Variants in PPP1R1C observed in about 807,000 individuals in gnomAD.
The protein encoded by PPP1R1C is protein phosphatase 1 regulatory subunit 1C.
A neutral mutation model predicts 17.4 loss-of-function variants in PPP1R1C; 15 were observed. That is an observed-to-expected ratio of 0.86 (90% confidence interval 0.58 to 1.33). PPP1R1C has a LOEUF of 1.33. Ranked by LOEUF, PPP1R1C falls within the 40% of genes most tolerant of loss-of-function variation. PPP1R1C has a pLI of 0.00. For synonymous variants in PPP1R1C, 35 were observed against 43.1 expected, an observed-to-expected ratio of 0.81 and a Z score of 0.73; for missense variants, 143 against 130.0, an observed-to-expected ratio of 1.10 and a Z score of -0.48.
chr2:182,109,933 C>T (rs2125233557), intron 4 of PPP1R1C, among the ~76,000 whole-genome samples: 1 of 152,242 alleles, frequency 6.6e-6, no homozygotes, highest in South Asian at 2.1e-4. Context: ...TCAGGACTGA[C>T]ATATATAACT....
At chr2:182,095,194 G>C (rs532663946) in intron 4 of PPP1R1C, among the ~76,000 whole-genome samples, 1 of 152,262 alleles carries the variant, frequency 6.6e-6, no homozygotes, top group Admixed American at 6.5e-5. Context: ...AGCTGCTGTG[G>C]AGGCTGAGGT....
chr2:182,100,293 C>T (rs539302475), intron 4 of PPP1R1C, among the ~76,000 whole-genome samples: 1 of 151,908 alleles, frequency 6.6e-6, no homozygotes, highest in East Asian at 1.9e-4. Context: ...GGGTGAATCA[C>T]GAGGTCAAGA....
intron 2 of PPP1R1C, among the ~76,000 whole-genome samples, chr2:182,030,332 A>G (rs930427966): frequency 1.3e-5 from 2 of 151,918 alleles, no homozygotes; most frequent in African/African-American, 4.8e-5. Flanking sequence ...TTTTTTCCCC[A>G]TCTTTGTGGT....
intron 1 of PPP1R1C, among the ~76,000 whole-genome samples, chr2:181,956,713 A>G (rs1684676309): frequency 6.6e-6 from 1 of 152,154 alleles, no homozygotes; most frequent in Non-Finnish European, 1.5e-5. Flanking sequence ...GTATCTGTTC[A>G]TATCCTTCAT....
intron 5 of PPP1R1C, among the ~76,000 whole-genome samples, chr2:182,123,266 G>A (rs553839095): frequency 1.3e-5 from 2 of 152,278 alleles, no homozygotes; most frequent in Non-Finnish European, 2.9e-5. Context: ...TGGACATTTG[G>A]GTTGGTTCCA....
intron 4 of PPP1R1C, among the ~76,000 whole-genome samples, chr2:182,066,781 C>T (rs1190106962): frequency 6.6e-6 from 1 of 152,080 alleles, no homozygotes; most frequent in Non-Finnish European, 1.5e-5. Flanking sequence ...CAGCTGATGA[C>T]TAATACCCAC....
At chr2:182,033,595 C>T (rs1444620216) in intron 2 of PPP1R1C, among the ~76,000 whole-genome samples, 1 of 152,130 alleles carries the variant, frequency 6.6e-6, no homozygotes, top group African/African-American at 2.4e-5. Context: ...CCCTTATGAC[C>T]ACTGCTTAAC....
At chr2:182,102,672 AAT>A (rs532153841) in intron 4 of PPP1R1C, among the ~76,000 whole-genome samples, 14 of 152,210 alleles carry the variant, frequency 9.2e-5, no homozygotes, top group Non-Finnish European at 1.8e-4. Context: ...GGATTTTGAA[AAT>A]ACATCAATTT....
At chr2:181,959,620 A>G (rs949747312) in intron 1 of PPP1R1C, among the ~76,000 whole-genome samples, 3 of 152,202 alleles carry the variant, frequency 2.0e-5, no homozygotes, top group Non-Finnish European at 4.4e-5. Flanking sequence ...GTATGTATAT[A>G]GTAGGAAATG....
chr2:182,081,883 A>C (rs993779718), intron 4 of PPP1R1C, among the ~76,000 whole-genome samples: 4 of 152,216 alleles, frequency 2.6e-5, no homozygotes, highest in Non-Finnish European at 5.9e-5. Context: ...GTATGTCCAC[A>C]TAAAAAGTCA....
At chr2:181,995,006 AC>A (rs981244295) in intron 2 of PPP1R1C, among the ~76,000 whole-genome samples, 29 of 152,306 alleles carry the variant, frequency 1.9e-4, no homozygotes, top group African/African-American at 7.0e-4. Context: ...CAATCCTTCA[AC>A]CTTTTTTTGG....
intron 2 of PPP1R1C, among the ~76,000 whole-genome samples, chr2:181,991,069 G>T (rs1351804806): frequency 2.7e-5 from 4 of 149,970 alleles, no homozygotes; most frequent in African/African-American, 9.8e-5. Context: ...CATATGACAA[G>T]ATCAGTGTAC....
At chr2:181,958,869 T>C (rs1218868609) in intron 1 of PPP1R1C, among the ~76,000 whole-genome samples, 1 of 152,268 alleles carries the variant, frequency 6.6e-6, no homozygotes, top group South Asian at 2.1e-4. Context: ...TTTATTCTAC[T>C]GCTGATGGGT....
At chr2:182,097,388 G>C (rs969840443) in intron 4 of PPP1R1C, among the ~76,000 whole-genome samples, 1 of 152,162 alleles carries the variant, frequency 6.6e-6, no homozygotes, top group Non-Finnish European at 1.5e-5. Flanking sequence ...CTTCTAGTAA[G>C]TTATAGAAAA....
intron 4 of PPP1R1C, among the ~76,000 whole-genome samples, chr2:182,097,189 C>T (rs1364423042): frequency 6.6e-6 from 1 of 152,182 alleles, no homozygotes; most frequent in Non-Finnish European, 1.5e-5. Context: ...ATTGGAGTTA[C>T]AAATATTGCT....
chr2:182,051,998 G>T (rs1687535622), intron 2 of PPP1R1C, among the ~76,000 whole-genome samples: 1 of 148,508 alleles, frequency 6.7e-6, no homozygotes, highest in African/African-American at 2.5e-5. Context: ...GTGAGACTCT[G>T]TCTCAAAAAA....
At chr2:182,121,364 T>TTTA (rs1553514845), downstream of PPP1R1C, among the ~76,000 whole-genome samples, 1 of 151,610 alleles carries the variant, frequency 6.6e-6, no homozygotes, top group Non-Finnish European at 1.5e-5. Flanking sequence ...ATAATTGGTA[T>TTTA]TTATTATTAT....
chr2:182,030,638 A>C, intron 2 of PPP1R1C, among the ~76,000 whole-genome samples: 1 of 145,702 alleles, frequency 6.9e-6, no homozygotes, highest in South Asian at 2.3e-4. Context: ...GGGACATTTA[A>C]GTCTGCAGAG....
chr2:182,077,447 A>G (rs1404311928), intron 4 of PPP1R1C, among the ~76,000 whole-genome samples: 1 of 152,190 alleles, frequency 6.6e-6, no homozygotes, highest in Non-Finnish European at 1.5e-5. Context: ...TTGTTGAATC[A>G]CCACATGTCC....
Sources: gnomAD v4.1 joint callset for allele counts (sites outside exome capture counted in the v4.1 genomes callset) on GRCh38, gnomAD v4.1.1 for gene constraint, MANE v1.5 for transcripts, NCBI Gene and HGNC (gene_info 2026-07-23, HGNC 2026-07-21) for gene names.